The following MSI2 variants were observed in gnomAD, a reference collection of about 807,000 sequenced individuals.
The protein encoded by MSI2 is RNA-binding protein Musashi homolog 2.
MSI2 carries 17 observed loss-of-function variants against 45.6 expected under a neutral mutation model. The ratio of observed to expected loss-of-function variants is 0.37; its 90% CI spans 0.26 to 0.56. The LOEUF is 0.56. Among genes scored for constraint, MSI2 ranks in the 20% least tolerant of loss-of-function variants. The pLI, the probability that MSI2 is intolerant of heterozygous loss-of-function variation, is 0.77. For synonymous variants in MSI2, 156 were observed against 158.2 expected (o/e 0.99, Z 0.11); for missense variants, 293 against 444.2 (o/e 0.66, Z 3.06).
At chr17:57,449,106 G>A (rs2084950344) in intron 6 of MSI2, 4 of 152,252 alleles carry the variant, frequency 2.6e-5, no homozygotes, top group Non-Finnish European at 2.9e-5. Flanking sequence ...TTCATGATGT[G>A]CCAGTACCCA....
chr17:57,446,375 T>C (rs1213940898), intron 6 of MSI2, among the ~76,000 whole-genome samples: 2 of 152,178 alleles, frequency 1.3e-5, no homozygotes, highest in African/African-American at 4.8e-5. Flanking sequence ...CATGGGGCTC[T>C]GCCAGGGGAT....
At chr17:57,689,706 A>G in the MSI2 span, among the ~76,000 whole-genome samples, 7 of 152,340 alleles carry the variant, frequency 4.6e-5, no homozygotes, top group Admixed American at 2.0e-4. Context: ...CCCTGGTCCC[A>G]GACAATAACT....
At position 57,439,203 on chromosome 17, in the gene MSI2, G is replaced by A. The variant is rs1297856998; in HGVS notation, c.405+37732G>A. 1.3e-5 allele frequency among the ~76,000 whole-genome samples: 2 copies of A among 152,160 alleles called. 1 individual carries two copies. The highest frequency in any genetic ancestry group is 3.8e-4 in the East Asian group (2 of 5,200). ...TTCTCCGTCCCTCTGGTTGATGCTG[G>A]GGAAGGCTTGGCTTCTGGCAGTTTT... On this transcript the variant is annotated intron_variant, in intron 6 of 13. Coordinates refer to ENST00000284073, the MANE Select transcript of MSI2 (RefSeq NM_138962.4).
At chr17:57,550,050 T>C (rs921195776) in intron 7 of MSI2, among the ~76,000 whole-genome samples, 2 of 152,228 alleles carry the variant, frequency 1.3e-5, no homozygotes, top group Admixed American at 6.5e-5. Flanking sequence ...CCACCCTGCC[T>C]GTCTCCTCTC....
At chr17:57,366,128 T>A (rs917204114) in intron 5 of MSI2, among the ~76,000 whole-genome samples, 2 of 152,300 alleles carry the variant, frequency 1.3e-5, no homozygotes, top group Non-Finnish European at 1.5e-5. Context: ...CCCAGGCTAG[T>A]CTTGAGCTCC....
intron 13 of MSI2, among the ~76,000 whole-genome samples, chr17:57,679,035 T>C (rs936833016): frequency 2.0e-5 from 3 of 152,384 alleles, no homozygotes; most frequent in East Asian, 1.9e-4. Context: ...TTTAGTGTCA[T>C]GACCTTTAGT....
intron 11 of MSI2, among the ~76,000 whole-genome samples, chr17:57,663,686 A>G (rs369650487): frequency 6.6e-6 from 1 of 152,220 alleles, no homozygotes; most frequent in African/African-American, 2.4e-5. Flanking sequence ...GGAAACCCCT[A>G]GTCCAGTTTT....
chr17:57,492,909 CTT>C (rs935115305), intron 6 of MSI2, among the ~76,000 whole-genome samples: 3 of 152,180 alleles, frequency 2.0e-5, no homozygotes, highest in African/African-American at 7.2e-5. Context: ...GGTTCTCAGT[CTT>C]TTGTGGAATA....
intron 5 of MSI2, chr17:57,266,283 C>T (rs774377170): frequency 2.0e-5 from 3 of 152,214 alleles, no homozygotes; most frequent in Non-Finnish European, 2.9e-5. Context: ...AGGATAAATG[C>T]AAAATTCTTC....
At chr17:57,670,823 G>T (rs1045683828) in intron 11 of MSI2, among the ~76,000 whole-genome samples, 1 of 152,192 alleles carries the variant, frequency 6.6e-6, no homozygotes, top group African/African-American at 2.4e-5. Flanking sequence ...AACTATTTCA[G>T]AAATAGGGTG....
chr17:57,560,740 G>C (rs952955067), intron 7 of MSI2, among the ~76,000 whole-genome samples: 1 of 152,234 alleles, frequency 6.6e-6, no homozygotes, highest in Non-Finnish European at 1.5e-5. Flanking sequence ...TGCCGGTATG[G>C]AGAGGAGTCA....
rs557741645 is a variant in MSI2, at chr17:57,319,787, A to AT, written c.312+57602dup. 2.5e-4 allele frequency among the ~76,000 whole-genome samples: 38 copies of AT among 151,952 alleles called. 1 individual carries two copies. The East Asian group carries it at 6.4e-3, about 26-fold the overall frequency. ...GCCATCATGCCTGGCGAATTTTTGT[A>AT]TTTTTTTGTAGGGATAGGGTCTTCC... On this transcript the variant is annotated intron_variant, in intron 5 of 13. Coordinates refer to ENST00000284073, the MANE Select transcript of MSI2 (RefSeq NM_138962.4).
chr17:57,336,587 G>A (rs1443545862), intron 5 of MSI2, among the ~76,000 whole-genome samples: 1 of 152,008 alleles, frequency 6.6e-6, no homozygotes, highest in African/African-American at 2.4e-5. Flanking sequence ...CTTATTTCTT[G>A]TTCATAATGC....
intron 10 of MSI2, among the ~76,000 whole-genome samples, chr17:57,637,663 A>G (rs1042072697): frequency 6.6e-6 from 1 of 152,196 alleles, no homozygotes; most frequent in Non-Finnish European, 1.5e-5. Flanking sequence ...CGGTTTCCCC[A>G]TCTGTCAAAT....
rs897356346 is a variant in MSI2 at position 57,596,486 on chromosome 17, C to T, written c.455-382C>T. On this transcript the variant is annotated intron_variant, in intron 7 of 13. Transcript: ENST00000284073. This position sits in a 1 kb window ranked among gnomAD's most constrained non-coding sequence, Gnocchi z 4.6. ...GACCCGAGGGCTGGCCAGGGCTGCTCGCGGAAAGGGCAAGCGTGGCCCCGC... is the reference window on the plus strand; with the variant it reads ...GACCCGAGGGCTGGCCAGGGCTGCTTGCGGAAAGGGCAAGCGTGGCCCCGC... Among the ~76,000 whole-genome samples, 5 of 152,208 alleles carry T rather than the reference C, an allele frequency of 3.3e-5. No individual in the cohort carries two copies. Among genetic ancestry groups the T allele is most frequent in the Non-Finnish European group, 5.9e-5 (4 of 68,038 alleles).
intron 7 of MSI2, among the ~76,000 whole-genome samples, chr17:57,579,139 T>C (rs904265125): frequency 2.0e-5 from 3 of 152,172 alleles, no homozygotes; most frequent in African/African-American, 7.2e-5. Context: ...TAAAGTGAAT[T>C]TGGATATAAT....
At chr17:57,563,760 A>G (rs2087656155) in intron 7 of MSI2, among the ~76,000 whole-genome samples, 5 of 149,648 alleles carry the variant, frequency 3.3e-5, no homozygotes, top group South Asian at 4.2e-4. Flanking sequence ...ACACACACAC[A>G]CACACACACA....
chr17:57,507,431 A>G (rs139113984), intron 6 of MSI2, among the ~76,000 whole-genome samples: 129 of 152,274 alleles, frequency 8.5e-4, no homozygotes, highest in African/African-American at 3.0e-3. Context: ...CTGTGAACTC[A>G]TATTCAGACT....
At chr17:57,507,770 G>A (rs1432258014) in intron 6 of MSI2, among the ~76,000 whole-genome samples, 30 of 152,050 alleles carry the variant, frequency 2.0e-4, no homozygotes, top group Admixed American at 1.8e-3. Context: ...CGTCCACTCC[G>A]GTGTATTTGT....
Sources: allele counts gnomAD v4.1 joint callset (sites outside exome capture counted in the v4.1 genomes callset), GRCh38; gene constraint gnomAD v4.1.1; non-coding constraint Gnocchi (gnomAD v3.1); transcripts MANE v1.5; gene names NCBI Gene and HGNC (gene_info 2026-07-23, HGNC 2026-07-21).